DOCK3: variants seen among roughly 807,000 people sequenced by gnomAD.
DOCK3 encodes dedicator of cytokinesis protein 3.
Under a neutral mutation model 265.6 loss-of-function variants are expected in DOCK3, and 60 were observed. That is an observed-to-expected ratio of 0.23 (90% CI 0.18 to 0.28). The LOEUF (loss-of-function observed/expected upper bound fraction) is 0.28, where lower values mean the gene tolerates loss of function less well. Ranked by LOEUF, DOCK3 falls within the 10% of genes least tolerant of loss-of-function variation. DOCK3 has a pLI of 1.00. For missense variants in DOCK3, 1,981 were observed against 2,594.3 expected (o/e 0.76, Z 5.14); for synonymous variants, 881 against 938.0 (o/e 0.94, Z 1.11).
At chr3:50,765,238 T>C (rs1300344935) in intron 1 of DOCK3, among the ~76,000 whole-genome samples, 1 of 151,664 alleles carries the variant, frequency 6.6e-6, no homozygotes, top group African/African-American at 2.4e-5. Flanking sequence ...CGTGCCACCA[T>C]TCCTGGCTAA....
intron 1 of DOCK3, among the ~76,000 whole-genome samples, chr3:50,706,483 A>T (rs929894435): frequency 6.6e-6 from 1 of 152,084 alleles, no homozygotes; most frequent in African/African-American, 2.4e-5. Flanking sequence ...AGTTTCCCTT[A>T]TATGTTATTC....
intron 12 of DOCK3, among the ~76,000 whole-genome samples, chr3:51,183,170 A>G (rs932700827): frequency 1.7e-4 from 26 of 152,258 alleles, no homozygotes; most frequent in Admixed American, 1.1e-3. Flanking sequence ...TTGATTAGAC[A>G]TTGATTAAGC....
intron 32 of DOCK3, among the ~76,000 whole-genome samples, chr3:51,318,495 C>T (rs1372900675): frequency 1.3e-5 from 2 of 152,088 alleles, no homozygotes; most frequent in Non-Finnish European, 2.9e-5. Context: ...GTTTTGTATA[C>T]AGATCTTACA....
chr3:50,675,875 G>A lies in DOCK3; in HGVS notation c.37+575G>A, dbSNP rs916620688. Among the ~76,000 whole-genome samples the A allele has an allele frequency of 2.0e-5, 3 of 150,410 alleles. No individual in the cohort carries two copies. The highest frequency in any genetic ancestry group is 7.3e-5 in the African/African-American group (3 of 41,200). On this transcript the variant is annotated intron_variant, in intron 1 of 52. Coordinates refer to ENST00000266037, the MANE Select transcript of DOCK3 (RefSeq NM_004947.5). The surrounding 1 kb of genome is among the most constrained non-coding windows in gnomAD (Gnocchi z 6.1). Reference sequence around the variant, plus strand: ...GAAATGTTTTTGGACATGTATCAATGTTTATACGGTTTTTTTTTTAAACCC... The same window carrying A: ...GAAATGTTTTTGGACATGTATCAATATTTATACGGTTTTTTTTTTAAACCC...
At chr3:50,714,463 G>A (rs1361737978) in intron 1 of DOCK3, among the ~76,000 whole-genome samples, 4 of 152,078 alleles carry the variant, frequency 2.6e-5, no homozygotes, top group Admixed American at 6.6e-5. Flanking sequence ...CCTGATTTAT[G>A]TCTCTGACTA....
intron 32 of DOCK3, among the ~76,000 whole-genome samples, chr3:51,320,052 G>T (rs1265384255): frequency 2.6e-5 from 4 of 151,870 alleles, no homozygotes; most frequent in Non-Finnish European, 5.9e-5. Flanking sequence ...AATAGGAACA[G>T]CTCTGGTCTG....
chr3:50,752,086 C>G lies in DOCK3; in HGVS notation c.38-26589C>G, dbSNP rs75896524. On this transcript the variant is annotated intron_variant, in intron 1 of 52. Coordinates refer to ENST00000266037, the MANE Select transcript of DOCK3 (RefSeq NM_004947.5). ...CACCCCAGTACCTGCAATGCTTTTT[C>G]TTTTTTGTCTTTTCTTTTCTGCTTC... 4.6e-5 allele frequency among the ~76,000 whole-genome samples: 7 copies of G among 152,166 alleles called. No individual in the cohort carries two copies. The East Asian group carries it at 1.4e-3, about 29-fold the overall frequency.
chr3:51,230,296 G>C (rs1011525750), intron 19 of DOCK3, among the ~76,000 whole-genome samples: 13 of 152,068 alleles, frequency 8.5e-5, no homozygotes, highest in South Asian at 2.1e-4. Context: ...GTAGTCCCCA[G>C]TGTCTACTGT....
intron 23 of DOCK3, among the ~76,000 whole-genome samples, chr3:51,266,343 G>A (rs1650248904): frequency 6.6e-6 from 1 of 152,064 alleles, no homozygotes; most frequent in African/African-American, 2.4e-5. Context: ...AAGTTCATAT[G>A]GAACCAAAAA....
Position 50,675,417 on chromosome 3 carries a change from G to C in DOCK3, c.37+117G>C. On this transcript the variant is annotated intron_variant, in intron 1 of 52. Coordinates refer to ENST00000266037, the MANE Select transcript of DOCK3 (RefSeq NM_004947.5). The surrounding 1 kb of genome is among the most constrained non-coding windows in gnomAD (Gnocchi z 6.1). ...CACTGCCCGCAGGCTGCGCGGCCTCGGCGCGGGGCGAGCGCGGGGTGGGGG... is the reference window on the plus strand; with the variant it reads ...CACTGCCCGCAGGCTGCGCGGCCTCCGCGCGGGGCGAGCGCGGGGTGGGGG... 2.1e-6 allele frequency: 2 copies of C among 973,088 alleles called. No homozygotes were observed. The highest frequency in any genetic ancestry group is 4.5e-4 in the Middle Eastern group (1 of 2,204). 60.3% of individuals were successfully genotyped at this position (973,088 alleles called of 1,614,324 possible). A position where few individuals can be genotyped will look rare whatever the true frequency, so the allele number is the denominator to read the frequency against.
intron 6 of DOCK3, among the ~76,000 whole-genome samples, chr3:51,074,962 GATT>G (rs2082005309): frequency 6.6e-6 from 1 of 152,148 alleles, no homozygotes; most frequent in South Asian, 2.1e-4. Context: ...ACACCCTGAA[GATT>G]TTTTTCATCC....
Position 51,227,350 on chromosome 3 carries a change from G to C in DOCK3, c.1445G>C (p.Ser482Thr). 1 of 1,613,988 alleles carries C rather than the reference G, an allele frequency of 6.2e-7. No homozygotes were observed. The highest frequency in any genetic ancestry group is 8.5e-7 in the Non-Finnish European group (1 of 1,179,888). The change falls in exon 16 of 53, where the codon AGT (serine) becomes ACT (threonine). Residue 482 changes from serine (S) to threonine (T), a missense_variant. Transcript: ENST00000266037. ...TACCACTCCTTTGTCCTCTACCACA[G>C]TAATAGTCCTCGCTGGGGAGAAATT... ...SSYHSFVLYH[S>T]NSPRWGEIIK...
intron 20 of DOCK3, 95 bp downstream of exon 20, chr3:51,236,523 C>T: frequency 9.0e-7 from 1 of 1,116,384 alleles, no homozygotes; most frequent in Non-Finnish European, 1.3e-6. Flanking sequence ...TGAATCAGCA[C>T]AAGATATAGA....
intron 27 of DOCK3, among the ~76,000 whole-genome samples, chr3:51,288,091 G>C (rs1698854761): frequency 6.6e-6 from 1 of 152,148 alleles, no homozygotes; most frequent in Non-Finnish European, 1.5e-5. Flanking sequence ...AGTACTCATG[G>C]ACATAAGAAG....
At chr3:50,987,514 T>G (rs185436596) in intron 5 of DOCK3, among the ~76,000 whole-genome samples, 1 of 152,162 alleles carries the variant, frequency 6.6e-6, no homozygotes, top group Non-Finnish European at 1.5e-5. Flanking sequence ...CTATTTGTGG[T>G]TTACAATAGC....
chr3:51,365,183 T>C (rs57047724), intron 49 of DOCK3, among the ~76,000 whole-genome samples: 11,307 of 152,272 alleles, frequency 0.074, 994 homozygotes, highest in East Asian at 0.33. Flanking sequence ...TTGTGGTTCT[T>C]CTTGAAGAGG....
chr3:51,082,230 C>T (rs1365690344), intron 7 of DOCK3, among the ~76,000 whole-genome samples: 1 of 152,036 alleles, frequency 6.6e-6, no homozygotes, highest in African/African-American at 2.4e-5. Context: ...AGAGACACCA[C>T]AGCACAGTGT....
intron 4 of DOCK3, chr3:50,900,696 C>T: frequency 2.2e-6 from 1 of 451,134 alleles, no homozygotes. Context: ...GATCTTATTC[C>T]TTTCTGTTTG....
chr3:50,969,952 G>A (rs1266213918), intron 5 of DOCK3, among the ~76,000 whole-genome samples: 12 of 152,210 alleles, frequency 7.9e-5, no homozygotes, highest in African/African-American at 2.9e-4. Flanking sequence ...GGCGCCTGTA[G>A]TCCCAGCTAC....
Sources: allele counts gnomAD v4.1 joint callset (sites outside exome capture counted in the v4.1 genomes callset), GRCh38; gene constraint gnomAD v4.1.1; non-coding constraint Gnocchi (gnomAD v3.1); transcripts MANE v1.5; gene names NCBI Gene and HGNC (gene_info 2026-07-23, HGNC 2026-07-21).